CSAD: variants seen among roughly 807,000 people sequenced by gnomAD.
The protein encoded by CSAD is P-selectin cytoplasmic tail-associated protein.
CSAD carries 47 observed loss-of-function variants against 61.5 expected under a neutral mutation model. That is an observed-to-expected ratio of 0.76 (90% confidence interval 0.60 to 0.97). CSAD has a LOEUF of 0.97. Among genes scored for constraint, CSAD ranks in the 50% least tolerant of loss-of-function variants. The pLI is 0.00. For missense variants in CSAD, 611 were observed against 643.6 expected (o/e 0.95, Z 0.55); for synonymous variants, 245 against 252.7 (o/e 0.97, Z 0.29).
At chr12:53,168,446 C>T (rs1030910886) in intron 10 of CSAD, among the ~76,000 whole-genome samples, 1 of 152,120 alleles carries the variant, frequency 6.6e-6, no homozygotes, top group Non-Finnish European at 1.5e-5. Context: ...AGAAACATCA[C>T]TATTCTAATT....
At chr12:53,158,739 G>A (rs969147718) in intron 16 of CSAD, 55 bp from the exon 17 acceptor site, 54 of 1,553,356 alleles carry the variant, frequency 3.5e-5, no homozygotes, top group Non-Finnish European at 4.4e-5. Flanking sequence ...TGACAGGTAG[G>A]CTGGCTTCTT....
chr12:53,160,518 T>C (rs2121389652), intron 13 of CSAD, among the ~76,000 whole-genome samples, 199 bp from the exon 14 acceptor site: 1 of 152,314 alleles, frequency 6.6e-6, no homozygotes, highest in South Asian at 2.1e-4. Context: ...CAAACTCTGA[T>C]GGCAACCTCA....
In CSAD at chr12:53,158,498, A is replaced by C. The variant is rs776556874; in HGVS notation, c.*13T>G. ...AGGGGTGGTATCAAGGCCGGCAGCA[A>C]GACAGAGAAGGCTCACAGGTCCTGG... is the stretch of plus-strand genomic sequence containing the variant. On this transcript the variant is annotated 3_prime_UTR_variant, in exon 17 of 17. Transcript: ENST00000444623. 6 of 1,608,136 alleles carry C rather than the reference A, an allele frequency of 3.7e-6. No homozygotes were observed. Among genetic ancestry groups the C allele is most frequent in the Non-Finnish European group, 2.6e-6 (3 of 1,175,868 alleles).
At chr12:53,170,037 A>G (rs754960637) in intron 10 of CSAD, 35 bp downstream of exon 10, 58 of 1,589,110 alleles carry the variant, frequency 3.6e-5, no homozygotes, top group Non-Finnish European at 4.8e-5. Flanking sequence ...AGACAGTTGG[A>G]GGCTATATCA....
At chr12:53,164,068 T>C (rs1224655651) in intron 10 of CSAD, among the ~76,000 whole-genome samples, 3 of 152,240 alleles carry the variant, frequency 2.0e-5, no homozygotes, top group African/African-American at 7.2e-5. Context: ...ACAATGCAGT[T>C]TGAATGCTTT....
chr12:53,164,928 C>T (rs1447029943), intron 10 of CSAD, among the ~76,000 whole-genome samples: 4 of 152,130 alleles, frequency 2.6e-5, no homozygotes, highest in Non-Finnish European at 5.9e-5. Context: ...CTAATAAGCA[C>T]ATGAAAAGAT....
intron 16 of CSAD, among the ~76,000 whole-genome samples, chr12:53,158,967 C>G (rs1489036132): frequency 1.3e-5 from 2 of 152,202 alleles, no homozygotes; most frequent in Non-Finnish European, 2.9e-5. Context: ...TCTCTTGATT[C>G]CTAACACTGC....
Position 53,172,518 on chromosome 12 carries a change from C to G in CSAD, c.253+4G>C. Reference sequence around the variant, plus strand: ...GTCTCCTCCTCACAGAAGCCAGGGCCCACCAGTCTTGACACTGTAGCGAAT... The same window carrying G: ...GTCTCCTCCTCACAGAAGCCAGGGCGCACCAGTCTTGACACTGTAGCGAAT... On this transcript the variant is annotated splice_donor_region_variant and intron_variant, in intron 5 of 16. Transcript: ENST00000444623. 1 of 1,614,144 alleles carries G rather than the reference C, an allele frequency of 6.2e-7. No individual in the cohort carries two copies. Among genetic ancestry groups the G allele is most frequent in the Non-Finnish European group, 8.5e-7 (1 of 1,180,020 alleles).
At chr12:53,172,107 A>C in intron 6 of CSAD, 119 bp from the exon 7 acceptor site, 1 of 765,880 alleles carries the variant, frequency 1.3e-6, no homozygotes, top group South Asian at 1.7e-5. Flanking sequence ...CAACAGTCCA[A>C]GGAGAAGAAC....
chr12:53,180,674 A>AG (rs1941533798), intron 1 of CSAD, 58 bp downstream of exon 1: 1 of 1,277,192 alleles, frequency 7.8e-7, no homozygotes, highest in African/African-American at 1.6e-5. Flanking sequence ...GGAGAGGACG[A>AG]GGGGGAGGGG....
intron 1 of CSAD, 70 bp downstream of exon 1, chr12:53,180,662 G>A: frequency 7.8e-7 from 1 of 1,282,122 alleles, no homozygotes; most frequent in African/African-American, 1.5e-5. Context: ...CAGCCGCTCG[G>A]CGGAGAGGAC....
At chr12:53,181,336 C>A, upstream of CSAD, 2 of 985,426 alleles carry the variant, frequency 2.0e-6, no homozygotes, top group Non-Finnish European at 2.4e-6. Context: ...CTAGTCTTGC[C>A]GCCTCTGTAA....
intron 10 of CSAD, among the ~76,000 whole-genome samples, chr12:53,168,106 T>C (rs924059689): frequency 3.3e-5 from 5 of 152,242 alleles, no homozygotes; most frequent in African/African-American, 1.2e-4. Flanking sequence ...CATTATGCTA[T>C]GTAAAAGAAG....
chr12:53,170,361 G>A, intron 9 of CSAD, 62 bp downstream of exon 9: 1 of 1,452,402 alleles, frequency 6.9e-7, no homozygotes, highest in Non-Finnish European at 9.7e-7. Flanking sequence ...AGAGCTTTCT[G>A]GCGGCAGGAA....
intron 4 of CSAD, 137 bp downstream of exon 4, chr12:53,173,208 G>GAAAGAAAGGAAGAAAGGAAA: frequency 1.2e-6 from 1 of 830,486 alleles, no homozygotes; most frequent in Non-Finnish European, 1.8e-6. Flanking sequence ...ACTCTGTCAA[G>GAAAGAAAGGAAGAAAGGAAA]AAAGAAAGGA....
Position 53,172,429 on chromosome 12 carries a change from A to T in CSAD, c.261T>A (p.Pro87=). 1 of 1,614,170 alleles carries T rather than the reference A, an allele frequency of 6.2e-7. No individual in the cohort carries two copies. Among genetic ancestry groups the T allele is most frequent in the Non-Finnish European group, 8.5e-7 (1 of 1,180,028 alleles). Residue 87 remains proline (P), a synonymous_variant, in exon 6 of 17, where the codon CCT becomes CCA. Coordinates refer to ENST00000444623, the MANE Select transcript of CSAD (RefSeq NM_001244705.2). The stretch of plus-strand genomic sequence containing the variant: ...CAGAGAAGAGCTGGTTGAAGAACCG[A>T]GGGTGACCTGGAGAAGGAGAGTAAG... The part of the protein sequence containing the change: ...VIRYSVKTGH[P]RFFNQLFSGL...
At chr12:53,169,134 C>T (rs376889256) in intron 10 of CSAD, among the ~76,000 whole-genome samples, 3 of 151,672 alleles carry the variant, frequency 2.0e-5, no homozygotes, top group Admixed American at 6.6e-5. Context: ...GAGCCGAGAT[C>T]GTGCCATTGC....
At chr12:53,173,657 G>T in intron 3 of CSAD, 71 bp downstream of exon 3, 1 of 1,442,612 alleles carries the variant, frequency 6.9e-7, no homozygotes, top group Non-Finnish European at 9.7e-7. Context: ...ACAGGTGGGA[G>T]AGAAAAGGCA....
chr12:53,167,380 AC>A (rs1002019762), intron 10 of CSAD, among the ~76,000 whole-genome samples: 5 of 152,300 alleles, frequency 3.3e-5, no homozygotes, highest in African/African-American at 1.2e-4. Context: ...TCTCAGCTCA[AC>A]CATCCCTTCT....
Sources: gnomAD v4.1 joint callset for allele counts (sites outside exome capture counted in the v4.1 genomes callset) on GRCh38, gnomAD v4.1.1 for gene constraint, MANE v1.5 for transcripts, NCBI Gene and HGNC (gene_info 2026-07-23, HGNC 2026-07-21) for gene names.